The following ADAP1 variants were observed in gnomAD, a reference collection of about 807,000 sequenced individuals.
The protein encoded by ADAP1 is ArfGAP with dual PH domains 1, also known as arf-GAP with dual PH domain-containing protein 1.
In ADAP1, 31 loss-of-function variants were observed where a neutral mutation model predicts 54.9. The observed-to-expected ratio is 0.56, with a 90% CI of 0.42 to 0.76. The LOEUF (loss-of-function observed/expected upper bound fraction) is 0.76. ADAP1 is among the 30% of genes least tolerant of loss of function. The pLI, the probability that ADAP1 is intolerant of heterozygous loss-of-function variation, is 0.00. For synonymous variants in ADAP1, 313 were observed against 202.6 expected (o/e 1.55, Z -4.63); for missense variants, 535 against 512.4 (o/e 1.04, Z -0.42).
chr7:930,121 A>AC (rs1437955314), intron 2 of ADAP1, among the ~76,000 whole-genome samples: 6 of 150,160 alleles, frequency 4.0e-5, no homozygotes, highest in South Asian at 4.3e-4. Flanking sequence ...AAAAAAAAAA[A>AC]AAAAAACCCT....
intron 4 of ADAP1, among the ~76,000 whole-genome samples, chr7:914,617 G>A (rs958117203): frequency 1.3e-4 from 20 of 152,116 alleles, no homozygotes; most frequent in Non-Finnish European, 5.9e-5. Flanking sequence ...AGCACCAGAT[G>A]GACACCTGCT....
chr7:925,824 G>A (rs186886944), intron 3 of ADAP1, among the ~76,000 whole-genome samples: 1 of 152,370 alleles, frequency 6.6e-6, no homozygotes, highest in Admixed American at 6.5e-5. Flanking sequence ...TGCTGAGTGG[G>A]TTCACGGAGT....
At position 917,971 on chromosome 7, in the gene ADAP1, G is replaced by C. The variant is rs118178869; in HGVS notation, c.388+1997C>G. ...TTTTTTGGTAGAGTCCAAAAAATGA[G>C]CAACATGGGGTTTCGCCACGTTGCT... On this transcript the variant is annotated intron_variant, in intron 4 of 10. Coordinates refer to ENST00000265846, the MANE Select transcript of ADAP1 (RefSeq NM_006869.4). Among the ~76,000 whole-genome samples, 359 of 152,198 alleles carry C rather than the reference G, an allele frequency of 2.4e-3. 1 individual carries two copies. The highest frequency in any genetic ancestry group is 4.4e-3 in the Non-Finnish European group (298 of 68,016).
rs1261447151 is a variant in ADAP1 at position 905,040 on chromosome 7, C to A, written c.501+20G>T. 6.2e-7 allele frequency: 1 copy of A among 1,601,364 alleles called. No individual in the cohort carries two copies. The highest frequency in any genetic ancestry group is 8.5e-7 in the Non-Finnish European group (1 of 1,174,462). The stretch of plus-strand genomic sequence containing the variant: ...GCCGCCCTGGGACAGGCCCCCACCC[C>A]ACCCCCGTCTGTGACTCACATCATT... On this transcript the variant is annotated intron_variant, in intron 5 of 10. Coordinates refer to ENST00000265846, the MANE Select transcript of ADAP1 (RefSeq NM_006869.4).
intron 4 of ADAP1, among the ~76,000 whole-genome samples, chr7:918,269 T>C (rs1227227342): frequency 6.6e-6 from 1 of 152,132 alleles, no homozygotes; most frequent in Admixed American, 6.5e-5. Context: ...CGGCCTGGAG[T>C]GCAGTGGTGC....
chr7:900,852 G>C, intron 6 of ADAP1: 2 of 633,822 alleles, frequency 3.2e-6, no homozygotes, highest in Non-Finnish European at 5.8e-6. Flanking sequence ...AGCCTCCCCC[G>C]GCGAAGTCCT....
intron 2 of ADAP1, among the ~76,000 whole-genome samples, chr7:931,807 G>C (rs897654623): frequency 2.0e-5 from 3 of 151,610 alleles, no homozygotes; most frequent in African/African-American, 7.3e-5. Flanking sequence ...GTGAAGAAAA[G>C]GAAAGAAGAG....
intron 2 of ADAP1, among the ~76,000 whole-genome samples, chr7:934,728 G>A (rs977622533): frequency 6.6e-5 from 10 of 152,164 alleles, no homozygotes; most frequent in African/African-American, 2.4e-4. Context: ...CTCCCTGCAC[G>A]CCAGGGCTTC....
At chr7:905,233 T>C in intron 4 of ADAP1, 61 bp from the exon 5 acceptor site, 2 of 1,255,816 alleles carry the variant, frequency 1.6e-6, no homozygotes, top group East Asian at 2.9e-5. Flanking sequence ...ACAAAAGGAG[T>C]GACGATGGAC....
intron 4 of ADAP1, chr7:905,399 A>AGAAAGGGAAAGG (rs1326229039): frequency 1.1e-5 from 2 of 180,760 alleles, no homozygotes; most frequent in Admixed American, 7.9e-5. Context: ...AGGAGAAAGG[A>AGAAAGGGAAAGG]GAAAGGAGAA....
intron 1 of ADAP1, among the ~76,000 whole-genome samples, chr7:948,595 C>T (rs1369037295): frequency 6.6e-6 from 1 of 152,204 alleles, no homozygotes; most frequent in Non-Finnish European, 1.5e-5. Flanking sequence ...ACCACCTGGA[C>T]AGTGACTTGG....
chr7:925,250 G>T (rs1846342376), intron 3 of ADAP1, among the ~76,000 whole-genome samples: 1 of 151,978 alleles, frequency 6.6e-6, no homozygotes, highest in African/African-American at 2.4e-5. Flanking sequence ...CCCCGGGAGG[G>T]CCGGTTCATG....
At chr7:922,484 C>G (rs1295058545) in intron 3 of ADAP1, among the ~76,000 whole-genome samples, 2 of 152,190 alleles carry the variant, frequency 1.3e-5, no homozygotes. Flanking sequence ...TCCCCCAGCC[C>G]AAGATGCCAT....
chr7:902,568 G>A (rs1467177701), intron 6 of ADAP1, among the ~76,000 whole-genome samples: 1 of 151,672 alleles, frequency 6.6e-6, no homozygotes, highest in Non-Finnish European at 1.5e-5. Flanking sequence ...TCAACACAGT[G>A]TTGGAGACAA....
intron 3 of ADAP1, among the ~76,000 whole-genome samples, chr7:921,086 C>T (rs1024450259): frequency 1.3e-5 from 2 of 152,184 alleles, no homozygotes; most frequent in African/African-American, 4.8e-5. Context: ...CCGAAAGCAA[C>T]AGAAATGTAT....
At chr7:902,932 G>T (rs915668897) in intron 6 of ADAP1, among the ~76,000 whole-genome samples, 1 of 152,234 alleles carries the variant, frequency 6.6e-6, no homozygotes, top group Admixed American at 6.5e-5. Context: ...AAGCCAGGCA[G>T]GAGGTAGAAC....
In ADAP1 at chr7:951,118, G is replaced by T. The variant is rs915671760; in HGVS notation, c.82+3278C>A. Among the ~76,000 whole-genome samples the T allele has an allele frequency of 1.6e-4, 25 of 152,074 alleles. 1 individual carries two copies. The South Asian group carries it at 4.2e-3, about 25-fold the overall frequency. ...GGCCAGGCGCGGTGGCTCATGCCTG[G>T]AATCCCAGCACTTTGGGAGGCCGAG... is the stretch of plus-strand genomic sequence containing the variant. On this transcript the variant is annotated intron_variant, in intron 1 of 10. Coordinates refer to ENST00000265846, the MANE Select transcript of ADAP1 (RefSeq NM_006869.4).
At chr7:932,804 CCTGAGGGGA>C (rs1846626125) in intron 2 of ADAP1, among the ~76,000 whole-genome samples, 1 of 152,190 alleles carries the variant, frequency 6.6e-6, no homozygotes, top group Non-Finnish European at 1.5e-5. Context: ...GGGCCGGGGT[CCTGAGGGGA>C]TTCGCAGGGA....
At chr7:901,311 G>A in intron 6 of ADAP1, 1 of 297,278 alleles carries the variant, frequency 3.4e-6, no homozygotes, top group South Asian at 3.0e-5. Context: ...TTGGCCCCAT[G>A]ACATTATAAC....
Sources: allele counts gnomAD v4.1 joint callset (sites outside exome capture counted in the v4.1 genomes callset), GRCh38; gene constraint gnomAD v4.1.1; transcripts MANE v1.5; gene names NCBI Gene and HGNC (gene_info 2026-07-23, HGNC 2026-07-21).